The following SZT2 variants were observed in gnomAD, a reference collection of about 807,000 sequenced individuals.
The protein encoded by SZT2 is SZT2 subunit of KICSTOR complex.
In SZT2, 216 loss-of-function variants were observed where a neutral mutation model predicts 404.2. The ratio of observed to expected loss-of-function variants is 0.53; its 90% CI spans 0.48 to 0.60. The LOEUF (loss-of-function observed/expected upper bound fraction) is 0.60, where lower values mean the gene tolerates loss of function less well. Ranked by LOEUF, SZT2 falls within the 20% of genes least tolerant of loss-of-function variation. The pLI is 0.00. For synonymous variants in SZT2, 1,693 were observed against 1,749.9 expected (o/e 0.97, Z 0.81); for missense variants, 3,857 against 4,459.2 (o/e 0.86, Z 3.85).
chr1:43,443,411 C>T lies in SZT2; in HGVS notation c.8559C>T (p.Ala2853=), dbSNP rs558674367. ...GCCTGGTGCATTACTGTGCAACAGC[C>T]ATGCTCTTCGACCCAGCTGCCTGGC... ...SSRLVHYCAT[A]MLFDPAAWLH... The change falls in exon 61 of 72, where the codon GCC becomes GCT. Residue 2853 remains alanine, a synonymous_variant. Transcript: ENST00000634258. The T allele has an allele frequency of 2.5e-6, 4 of 1,614,100 alleles. No homozygotes were observed. The highest frequency in any genetic ancestry group is 3.4e-6 in the Non-Finnish European group (4 of 1,180,038).
intron 1 of SZT2, among the ~76,000 whole-genome samples, chr1:43,392,665 G>A (rs149991721): frequency 3.3e-5 from 5 of 152,074 alleles, no homozygotes; most frequent in East Asian, 3.9e-4. Flanking sequence ...CGCCTGCCTC[G>A]GCTTCCCAAA....
At chr1:43,421,447 C>A in intron 11 of SZT2, 144 bp downstream of exon 11, 1 of 1,174,218 alleles carries the variant, frequency 8.5e-7, no homozygotes. Context: ...ACCTTGAGAG[C>A]TTCTCTTCTC....
At chr1:43,446,484 C>G in intron 65 of SZT2, 68 bp downstream of exon 65, 1 of 1,589,794 alleles carries the variant, frequency 6.3e-7, no homozygotes. Context: ...GCTCCATGTC[C>G]CATTTGCTGG....
Position 43,439,514 on chromosome 1 carries a change from G to A in SZT2, c.6877+72G>A. 3 of 1,600,652 alleles carry A rather than the reference G, an allele frequency of 1.9e-6. No homozygotes were observed. Among genetic ancestry groups the A allele is most frequent in the Non-Finnish European group, 1.7e-6 (2 of 1,172,202 alleles). On this transcript the variant is annotated intron_variant, in intron 49 of 71. Transcript: ENST00000634258. This position sits in a 1 kb window ranked among gnomAD's most constrained non-coding sequence, Gnocchi z 4.2. Reference sequence around the variant, plus strand: ...CCTTTTGTCATCCTATTGCTAAGAGGACATTTCCCAGGCTTGCAGCTGAGT... The same window carrying A: ...CCTTTTGTCATCCTATTGCTAAGAGAACATTTCCCAGGCTTGCAGCTGAGT...
At position 43,420,198 on chromosome 1, in the gene SZT2, G is replaced by A. The variant is rs1284139930; in HGVS notation, c.1136G>A (p.Ser379Asn). Reference sequence around the variant, plus strand: ...AATGAGCACCTGGTCTCTGCAAGCAGCAACCCTGCCCTGGCCTTGCGCCGG... The same window carrying A: ...AATGAGCACCTGGTCTCTGCAAGCAACAACCCTGCCCTGGCCTTGCGCCGG... ...LFNEHLVSAS[S>N]NPALALRRKK... Residue 379 changes from serine (S) to asparagine (N), a missense_variant, in exon 9 of 72, where the codon AGC (serine) becomes AAC (asparagine). Physicochemically the swap from Ser to Asn is conservative, Grantham distance 46. Around this residue, in one of 7 missense-constraint regions of SZT2, gnomAD observed 536 missense variants for 637.4 expected, o/e 0.84. Transcript: ENST00000634258. This position sits in a 1 kb window ranked among gnomAD's most constrained non-coding sequence, Gnocchi z 5.1. 1.3e-6 allele frequency: 2 copies of A among 1,598,338 alleles called. No individual in the cohort carries two copies. Among genetic ancestry groups the A allele is most frequent in the Non-Finnish European group, 1.7e-6 (2 of 1,179,820 alleles).
rs1557587110 is a variant in SZT2 at position 43,439,737 on chromosome 1, TC to T, written c.7012del (p.Arg2338AlafsTer96). On this transcript the variant is annotated frameshift_variant, in exon 50 of 72. Coordinates refer to ENST00000634258, the MANE Select transcript of SZT2 (RefSeq NM_001365999.1). LOFTEE classifies it high-confidence loss of function. The surrounding 1 kb of genome is among the most constrained non-coding windows in gnomAD (Gnocchi z 4.2). ...EEEFEQLTQV[I>X]RCPVVVDSSS... ...GAATTTGAGCAACTGACCCAGGTCA[TC>T]CGCTGCCCGGTTGTTGTGGACAGTT... is the stretch of plus-strand genomic sequence containing the variant. 5.6e-6 allele frequency: 9 copies of T among 1,606,448 alleles called. No homozygotes were observed. Among genetic ancestry groups the T allele is most frequent in the Non-Finnish European group, 7.7e-6 (9 of 1,175,564 alleles).
At chr1:43,434,510 C>T (rs1169696945) in intron 41 of SZT2, 25 bp downstream of exon 41, 16 of 1,562,706 alleles carry the variant, frequency 1.0e-5, no homozygotes, top group Admixed American at 5.7e-5. Context: ...TCTCCAGACC[C>T]GGACACACAG....
In SZT2 at chr1:43,451,034, C is replaced by G. The variant is rs139142845; in HGVS notation, c.*554C>G. 1.9e-3 allele frequency: 1,496 copies of G among 776,078 alleles called. 16 individuals are homozygous for G. In the African/African-American group the frequency reaches 0.022, roughly 12 times the overall value. The allele number at this position is 776,078 out of a possible 1,614,324, so 48.1% of individuals were successfully genotyped here. A position where few individuals can be genotyped will look rare whatever the true frequency, so the allele number is the denominator to read the frequency against. ...TTCTCATCCTTTAATGAGGTGGGTT[C>G]AGAAGCTCTCCCATCTTCACAGCAA... On this transcript the variant is annotated 3_prime_UTR_variant, in exon 72 of 72. Coordinates refer to ENST00000634258, the MANE Select transcript of SZT2 (RefSeq NM_001365999.1).
chr1:43,450,472 C>A lies in SZT2; in HGVS notation c.10291C>A (p.Leu3431Ile), dbSNP rs145932982. 1.2e-6 allele frequency: 2 copies of A among 1,614,012 alleles called. No homozygotes were observed. The highest frequency in any genetic ancestry group is 2.7e-5 in the African/African-American group (2 of 74,916). ...AGCCTGTTTCACCCTCTGGACCCGC[C>A]TCCTCTGAGGGAGTGGACTGGACCA... ...NTACFTLWTR[L>I]L is the part of the protein sequence containing the mutation. Residue 3431 changes from leucine (L) to isoleucine (I), a missense_variant, in exon 72 of 72, where the codon CTC (leucine) becomes ATC (isoleucine). Transcript: ENST00000634258. The surrounding 1 kb of genome is among the most constrained non-coding windows in gnomAD (Gnocchi z 4.3).
intron 30 of SZT2, 76 bp from the exon 31 acceptor site, chr1:43,430,235 C>A: frequency 1.9e-6 from 3 of 1,573,080 alleles, no homozygotes; most frequent in Non-Finnish European, 2.6e-6. Context: ...TAAGGCAAGA[C>A]AAGTGTAATC....
Position 43,451,028 on chromosome 1 carries a change from T to C in SZT2, c.*548T>C. 1.3e-6 allele frequency: 1 copy of C among 771,932 alleles called. No homozygotes were observed. The highest frequency in any genetic ancestry group is 2.4e-6 in the Non-Finnish European group (1 of 424,950). 47.8% of individuals were successfully genotyped at this position (771,932 alleles called of 1,614,324 possible). Reference sequence around the variant, plus strand: ...CTGGGTTTCTCATCCTTTAATGAGGTGGGTTCAGAAGCTCTCCCATCTTCA... The same window carrying C: ...CTGGGTTTCTCATCCTTTAATGAGGCGGGTTCAGAAGCTCTCCCATCTTCA... On this transcript the variant is annotated 3_prime_UTR_variant, in exon 72 of 72. Transcript: ENST00000634258.
rs1654808646 is a variant in SZT2 at position 43,439,302 on chromosome 1, C to A, written c.6793-56C>A. 6.9e-6 allele frequency: 11 copies of A among 1,597,664 alleles called. No individual in the cohort carries two copies. The East Asian group carries it at 2.5e-4, about 36-fold the overall frequency. Reference sequence around the variant, plus strand: ...CATTCCCCACTGTGGGCACCCATCCCCGAGGGTTTTGTCCATTTGCTTGCT... The same window carrying A: ...CATTCCCCACTGTGGGCACCCATCCACGAGGGTTTTGTCCATTTGCTTGCT... On this transcript the variant is annotated intron_variant, in intron 48 of 71. Transcript: ENST00000634258. This position sits in a 1 kb window ranked among gnomAD's most constrained non-coding sequence, Gnocchi z 4.2.
intron 24 of SZT2, 39 bp from the exon 25 acceptor site, chr1:43,427,242 C>T: frequency 6.2e-7 from 1 of 1,604,246 alleles, no homozygotes; most frequent in Non-Finnish European, 8.5e-7. Flanking sequence ...CCCTCACTGG[C>T]CCACCAGGCA....
intron 66 of SZT2, 69 bp from the exon 67 acceptor site, chr1:43,447,476 T>C: frequency 6.4e-7 from 1 of 1,566,354 alleles, no homozygotes; most frequent in Non-Finnish European, 8.7e-7. Context: ...CTCCCATCCC[T>C]GTGCCCCACC....
chr1:43,452,467 T>C lies in SZT2; in HGVS notation c.*1987T>C, dbSNP rs1033604448. 1.4e-6 allele frequency: 1 copy of C among 722,908 alleles called. No homozygotes were observed. The highest frequency in any genetic ancestry group is 2.5e-6 in the Non-Finnish European group (1 of 393,218). The allele number at this position is 722,908 out of a possible 1,614,324, so 44.8% of individuals were successfully genotyped here. ...ACGATGCCCAGGTATCCCAGCACTT[T>C]CAGAGACACTTCAGTGATGGCTGAG... On this transcript the variant is annotated 3_prime_UTR_variant, in exon 72 of 72. Coordinates refer to ENST00000634258, the MANE Select transcript of SZT2 (RefSeq NM_001365999.1).
At chr1:43,403,004 G>C (rs1052806152) in intron 1 of SZT2, among the ~76,000 whole-genome samples, 173 bp from the exon 2 acceptor site, 3 of 152,184 alleles carry the variant, frequency 2.0e-5, no homozygotes, top group African/African-American at 7.2e-5. Flanking sequence ...AGAGAGTTGA[G>C]AATTGACTCC....
Position 43,426,328 on chromosome 1 carries a change from C to A in SZT2, c.3044-40C>A. ...GGGCTGAGCCGGGGGCACCGGGCAGCAGGAGGCTCTTGGTGCTGAGCAGAG... is the reference window on the plus strand; with the variant it reads ...GGGCTGAGCCGGGGGCACCGGGCAGAAGGAGGCTCTTGGTGCTGAGCAGAG... On this transcript the variant is annotated intron_variant, in intron 21 of 71. Transcript: ENST00000634258. This position sits in a 1 kb window ranked among gnomAD's most constrained non-coding sequence, Gnocchi z 4.9. 1 of 1,515,068 alleles carries A rather than the reference C, an allele frequency of 6.6e-7. No individual in the cohort carries two copies. The highest frequency in any genetic ancestry group is 1.2e-5 in the South Asian group (1 of 81,652). The allele number at this position is 1,515,068 out of a possible 1,614,324, so 93.9% of individuals were successfully genotyped here.
intron 7 of SZT2, among the ~76,000 whole-genome samples, chr1:43,418,117 G>A (rs1302068323): frequency 6.6e-6 from 1 of 152,184 alleles, no homozygotes; most frequent in Non-Finnish European, 1.5e-5. Context: ...GAGGTGGTGA[G>A]GGGATTGAAG....
chr1:43,411,697 G>A (rs984193695), intron 4 of SZT2, among the ~76,000 whole-genome samples: 10 of 150,782 alleles, frequency 6.6e-5, no homozygotes, highest in Admixed American at 2.6e-4. Context: ...TTGTGGAGGG[G>A]GAAGAATGAA....
Sources: allele counts gnomAD v4.1 joint callset (sites outside exome capture counted in the v4.1 genomes callset), GRCh38; gene constraint gnomAD v4.1.1; regional missense constraint gnomAD v4.1.1; non-coding constraint Gnocchi (gnomAD v3.1); transcripts MANE v1.5; gene names NCBI Gene and HGNC (gene_info 2026-07-23, HGNC 2026-07-21).